IL1R2: variants seen among roughly 807,000 people sequenced by gnomAD.
IL1R2 encodes the protein interleukin-1 receptor type 2.
Under a neutral mutation model 39.5 loss-of-function variants are expected in IL1R2, and 46 were observed. The ratio of observed to expected loss-of-function variants is 1.16; its 90% CI spans 0.92 to 1.49. The LOEUF (loss-of-function observed/expected upper bound fraction) is 1.49, where lower values mean the gene tolerates loss of function less well. Ranked by LOEUF, IL1R2 falls within the 40% of genes most tolerant of loss-of-function variation. The pLI, the probability that IL1R2 is intolerant of heterozygous loss-of-function variation, is 0.00. For synonymous variants in IL1R2, 207 were observed against 189.6 expected, an observed-to-expected ratio of 1.09 and a Z score of -0.75; for missense variants, 537 against 502.0, an observed-to-expected ratio of 1.07 and a Z score of -0.67.
At chr2:102,020,106 T>C (rs1577725376) in intron 5 of IL1R2, among the ~76,000 whole-genome samples, 1 of 152,326 alleles carries the variant, frequency 6.6e-6, no homozygotes, top group South Asian at 2.1e-4. Flanking sequence ...CTGTAGAAGG[T>C]ACCCTTGGAA....
rs139357503 is a variant in IL1R2, at chr2:102,026,236, G to C, written c.1013G>C (p.Arg338Pro). ...AATACCCTGAGTTTTCAGACACTAC[G>C]CACCACAGTCAAGGAAGGTATGTAT... Reference protein sequence around the residue: ...VHNTLSFQTLRTTVKEASSTF... With the variant: ...VHNTLSFQTLPTTVKEASSTF... The change falls in exon 8 of 9, where the codon CGC becomes CCC. Residue 338 changes from arginine (R) to proline (P), a missense_variant. Physicochemically the swap from Arg to Pro is moderately radical, Grantham distance 103 (BLOSUM62 -2). Coordinates refer to ENST00000332549, the MANE Select transcript of IL1R2 (RefSeq NM_004633.4). 3 of 1,611,192 alleles carry C rather than the reference G, an allele frequency of 1.9e-6. No individual in the cohort carries two copies. In the East Asian group the frequency reaches 6.7e-5, roughly 36 times the overall value.
intron 1 of IL1R2, among the ~76,000 whole-genome samples, chr2:102,007,381 C>G (rs995728932): frequency 6.6e-6 from 1 of 152,154 alleles, no homozygotes; most frequent in Non-Finnish European, 1.5e-5. Flanking sequence ...GTATGTAAAA[C>G]AGGAGTTAAT....
At chr2:102,012,984 T>C (rs1288877138) in intron 3 of IL1R2, among the ~76,000 whole-genome samples, 1 of 152,138 alleles carries the variant, frequency 6.6e-6, no homozygotes, top group Non-Finnish European at 1.5e-5. Context: ...TTATGTGAGA[T>C]CACAGAATGT....
intron 1 of IL1R2, among the ~76,000 whole-genome samples, chr2:102,006,347 G>T (rs1254226261): frequency 6.6e-6 from 1 of 152,198 alleles, no homozygotes; most frequent in Non-Finnish European, 1.5e-5. Flanking sequence ...GTGAAGAATA[G>T]TATTGTGTAG....
rs1180457636 is a variant in IL1R2 at position 102,009,477 on chromosome 2, C to T, written c.68-85C>T. 3 of 1,433,894 alleles carry T rather than the reference C, an allele frequency of 2.1e-6. No homozygotes were observed. In the African/African-American group the frequency reaches 4.3e-5, roughly 20 times the overall value. The allele number at this position is 1,433,894 out of a possible 1,614,324, so 88.8% of individuals were successfully genotyped here. A position where few individuals can be genotyped will look rare whatever the true frequency, so the allele number is the denominator to read the frequency against. Reference sequence around the variant, plus strand: ...GTGCTCCAGGTTTCCCTGCCAGAATCAGGATCAGTCCCAGGTGCAGGGAGG... The same window carrying T: ...GTGCTCCAGGTTTCCCTGCCAGAATTAGGATCAGTCCCAGGTGCAGGGAGG... On this transcript the variant is annotated intron_variant, in intron 2 of 8. Coordinates refer to ENST00000332549, the MANE Select transcript of IL1R2 (RefSeq NM_004633.4).
chr2:102,000,720 A>G (rs1289385417), intron 1 of IL1R2, among the ~76,000 whole-genome samples: 1 of 152,188 alleles, frequency 6.6e-6, no homozygotes, highest in African/African-American at 2.4e-5. Flanking sequence ...AACGAGTGCC[A>G]AAACCAAGGA....
intron 1 of IL1R2, among the ~76,000 whole-genome samples, chr2:102,006,741 A>T (rs904175971): frequency 2.0e-5 from 3 of 152,232 alleles, no homozygotes; most frequent in African/African-American, 7.2e-5. Flanking sequence ...GGTTGTCACC[A>T]TCCTTGCGGA....
chr2:102,018,603 T>C (rs777951218), intron 4 of IL1R2, among the ~76,000 whole-genome samples: 3 of 152,214 alleles, frequency 2.0e-5, no homozygotes, highest in Non-Finnish European at 2.9e-5. Flanking sequence ...TTACTGCGCA[T>C]GTACTATATC....
At chr2:102,016,152 C>A in intron 4 of IL1R2, 101 bp downstream of exon 4, 1 of 854,644 alleles carries the variant, frequency 1.2e-6, no homozygotes, top group Non-Finnish European at 1.8e-6. Context: ...ACAGTGCACA[C>A]ACACACACGC....
In IL1R2 at chr2:102,003,764, G is replaced by A. The variant is rs1676073081; in HGVS notation, c.-61-4751G>A. Among the ~76,000 whole-genome samples the A allele has an allele frequency of 5.4e-5, 8 of 149,288 alleles. No individual in the cohort carries two copies. The South Asian group carries it at 1.7e-3, about 32-fold the overall frequency. Reference sequence around the variant, plus strand: ...TGTCGGTGTCTGTGTCTGTGTCTAGGTCTATGTCTACGTGTATATCTCTCT... The same window carrying A: ...TGTCGGTGTCTGTGTCTGTGTCTAGATCTATGTCTACGTGTATATCTCTCT... On this transcript the variant is annotated intron_variant, in intron 1 of 8. Transcript: ENST00000332549.
At chr2:102,015,301 C>T (rs1167256159) in intron 3 of IL1R2, among the ~76,000 whole-genome samples, 2 of 152,152 alleles carry the variant, frequency 1.3e-5, no homozygotes, top group Admixed American at 6.6e-5. Flanking sequence ...GCATTAGAAT[C>T]GGGCTTGTAG....
In IL1R2 at chr2:102,009,711, G is replaced by A; in HGVS notation, c.217G>A (p.Asp73Asn). 6.2e-7 allele frequency: 1 copy of A among 1,614,202 alleles called. No individual in the cohort carries two copies. Among genetic ancestry groups the A allele is most frequent in the Non-Finnish European group, 8.5e-7 (1 of 1,180,028 alleles). ...PRINLTWHKN[D>N]SARTVPGEEE... is the part of the protein sequence containing the mutation. ...CATCAACCTGACATGGCATAAAAAT[G>A]ACTCTGCTAGGACGGTCCCAGGAGA... Residue 73 changes from aspartate (D) to asparagine (N), a missense_variant, in exon 3 of 9, where the codon GAC (aspartate) becomes AAC (asparagine). Physicochemically the swap from Asp to Asn is conservative, Grantham distance 23 (BLOSUM62 1). Coordinates refer to ENST00000332549, the MANE Select transcript of IL1R2 (RefSeq NM_004633.4).
intron 1 of IL1R2, among the ~76,000 whole-genome samples, chr2:101,994,052 A>T (rs1277663170): frequency 1.3e-5 from 2 of 152,184 alleles, no homozygotes; most frequent in Non-Finnish European, 2.9e-5. Flanking sequence ...ATGCACAGAC[A>T]CGGGAGAGTG....
chr2:102,026,135 C>T lies in IL1R2; in HGVS notation c.912C>T (p.Asn304=). ...PRQEYSENNE[N]YIEVPLIFDP... The stretch of plus-strand genomic sequence containing the variant: ...GGGAATATTCAGAAAATAATGAGAA[C>T]TACATTGAAGTGCCATTGATTTTTG... Residue 304 remains asparagine (N), a synonymous_variant, in exon 8 of 9, where the codon AAC becomes AAT. Coordinates refer to ENST00000332549, the MANE Select transcript of IL1R2 (RefSeq NM_004633.4). 6.2e-7 allele frequency: 1 copy of T among 1,606,104 alleles called. No individual in the cohort carries two copies. The highest frequency in any genetic ancestry group is 8.5e-7 in the Non-Finnish European group (1 of 1,175,158).
chr2:101,994,604 G>A (rs367720988), intron 1 of IL1R2, among the ~76,000 whole-genome samples: 26 of 152,340 alleles, frequency 1.7e-4, no homozygotes, highest in African/African-American at 6.3e-4. Context: ...TGACACCAGT[G>A]CTAGGGGACC....
chr2:102,008,727 G>C (rs1261320768), intron 2 of IL1R2, 85 bp downstream of exon 2: 11 of 1,226,120 alleles, frequency 9.0e-6, no homozygotes, highest in Middle Eastern at 2.0e-4. Context: ...TTCCTTGTCA[G>C]AAAGCAAAGT....
chr2:102,024,355 C>A (rs1036939368), intron 6 of IL1R2, among the ~76,000 whole-genome samples, 178 bp from the exon 7 acceptor site: 1 of 152,112 alleles, frequency 6.6e-6, no homozygotes, highest in African/African-American at 2.4e-5. Flanking sequence ...AGAGGTACTT[C>A]GTAAACAGTA....
chr2:102,009,526 G>C lies in IL1R2; in HGVS notation c.68-36G>C, dbSNP rs755446928. ...GGTTTTATGATCTGAGCAAGTTTTG[G>C]ACCCAAAGCCTGACCATGGGCTCTC... On this transcript the variant is annotated intron_variant, in intron 2 of 8. Coordinates refer to ENST00000332549, the MANE Select transcript of IL1R2 (RefSeq NM_004633.4). 1.9e-6 allele frequency: 3 copies of C among 1,599,876 alleles called. No individual in the cohort carries two copies. The African/African-American group carries it at 4.0e-5, about 22-fold the overall frequency.
At position 102,009,604 on chromosome 2, in the gene IL1R2, G is replaced by A. The variant is rs543401612; in HGVS notation, c.110G>A (p.Arg37Gln). 6 of 1,614,164 alleles carry A rather than the reference G, an allele frequency of 3.7e-6. No homozygotes were observed. The highest frequency in any genetic ancestry group is 2.7e-5 in the African/African-American group (2 of 75,040). The change falls in exon 3 of 9, where the codon CGG becomes CAG. Residue 37 changes from arginine (R) to glutamine (Q), a missense_variant. By Grantham distance (43) the Arg-to-Gln change is conservative. Coordinates refer to ENST00000332549, the MANE Select transcript of IL1R2 (RefSeq NM_004633.4). ...CGGTTTCGTGGGAGGCATTACAAGC[G>A]GGAGTTCAGGCTGGAAGGGGAGCCT... ...SCRFRGRHYK[R>Q]EFRLEGEPVA... is the part of the protein sequence containing the mutation.
Sources: allele counts gnomAD v4.1 joint callset (sites outside exome capture counted in the v4.1 genomes callset), GRCh38; gene constraint gnomAD v4.1.1; transcripts MANE v1.5; gene names NCBI Gene and HGNC (gene_info 2026-07-23, HGNC 2026-07-21).